Variants in SHMT1 observed in about 807,000 individuals in gnomAD.
SHMT1 encodes serine hydroxymethyltransferase, cytosolic.
A neutral mutation model predicts 49.0 loss-of-function variants in SHMT1; 45 were observed. The ratio of observed to expected loss-of-function variants is 0.92; its 90% CI spans 0.72 to 1.18. SHMT1 has a LOEUF of 1.18. Ranked by LOEUF, SHMT1 falls within the 50% of genes most tolerant of loss-of-function variation. The probability of loss-of-function intolerance (pLI) is 0.00; values close to 1 mark genes in which losing one functional copy is unlikely to be tolerated. For synonymous variants in SHMT1, 232 were observed against 246.6 expected, an observed-to-expected ratio of 0.94 and a Z score of 0.55; for missense variants, 541 against 612.4, an observed-to-expected ratio of 0.88 and a Z score of 1.23.
At position 18,333,153 on chromosome 17, in the gene SHMT1, T is replaced by C. The variant is rs1983409600; in HGVS notation, c.1054+13A>G. ...ACAAGAACAGGCCTGCTGAACACCATCTGTGTCTCTACCTGTGACTATTTT... is the reference window on the plus strand; with the variant it reads ...ACAAGAACAGGCCTGCTGAACACCACCTGTGTCTCTACCTGTGACTATTTT... On this transcript the variant is annotated intron_variant, in intron 9 of 11. Coordinates refer to ENST00000316694, the MANE Select transcript of SHMT1 (RefSeq NM_004169.5). 6.2e-7 allele frequency: 1 copy of C among 1,613,898 alleles called. No individual in the cohort carries two copies. Among genetic ancestry groups the C allele is most frequent in the Non-Finnish European group, 8.5e-7 (1 of 1,179,862 alleles).
intron 8 of SHMT1, 25 bp downstream of exon 8, chr17:18,335,534 T>G: frequency 4.7e-6 from 7 of 1,497,128 alleles, no homozygotes; most frequent in Non-Finnish European, 6.5e-6. Flanking sequence ...GGCTACAGGA[T>G]GAGCAGAGGC....
chr17:18,334,718 C>T (rs1174042810), intron 8 of SHMT1, among the ~76,000 whole-genome samples: 1 of 152,164 alleles, frequency 6.6e-6, no homozygotes, highest in Non-Finnish European at 1.5e-5. Flanking sequence ...GGGCCTGCAT[C>T]CCGCACAGAG....
chr17:18,340,806 G>A lies in SHMT1; in HGVS notation c.527C>T (p.Pro176Leu). ...GTCATAGTTGATGTAGCCAGTATCT[G>A]GGTTCACCTGTGGAATGTCAGGGAG... is the stretch of plus-strand genomic sequence containing the variant. ...FFESMPYKVN[P>L]DTGYINYDQL... Residue 176 changes from proline to leucine, a missense_variant, in exon 6 of 12, where the codon CCA becomes CTA. Coordinates refer to ENST00000316694, the MANE Select transcript of SHMT1 (RefSeq NM_004169.5). This position sits in a 1 kb window ranked among gnomAD's most constrained non-coding sequence, Gnocchi z 4.5. 6.2e-7 allele frequency: 1 copy of A among 1,613,044 alleles called. No homozygotes were observed.
At chr17:18,330,043 C>T (rs956949081) in intron 10 of SHMT1, among the ~76,000 whole-genome samples, 1 of 151,818 alleles carries the variant, frequency 6.6e-6, no homozygotes, top group African/African-American at 2.4e-5. Flanking sequence ...GACAGGGTTT[C>T]ACCGCGTTAG....
At chr17:18,332,574 A>T (rs1046752726) in intron 9 of SHMT1, 6 of 178,944 alleles carry the variant, frequency 3.4e-5, no homozygotes, top group Admixed American at 2.2e-4. Context: ...CTGCCAAAAA[A>T]ATGCGTTCTC....
At position 18,335,634 on chromosome 17, in the gene SHMT1, A is replaced by C. The variant is rs777750289; in HGVS notation, c.856T>G (p.Tyr286Asp). ...VDPKTGKEIL[Y>D]NLESLINSAV... ...GAATTGATAAGAGACTCCAGGTTGTACAGAATCTCTTTGCCAGTCTTGGGA... is the reference window on the plus strand; with the variant it reads ...GAATTGATAAGAGACTCCAGGTTGTCCAGAATCTCTTTGCCAGTCTTGGGA... Residue 286 changes from tyrosine to aspartate, a missense_variant, in exon 8 of 12, where the codon TAC becomes GAC. Coordinates refer to ENST00000316694, the MANE Select transcript of SHMT1 (RefSeq NM_004169.5). The C allele has an allele frequency of 6.2e-7, 1 of 1,613,986 alleles. No individual in the cohort carries two copies. The highest frequency in any genetic ancestry group is 2.2e-5 in the East Asian group (1 of 44,876).
intron 11 of SHMT1, 32 bp from the exon 12 acceptor site, chr17:18,328,951 C>G (rs761350220): frequency 8.1e-6 from 13 of 1,612,798 alleles, no homozygotes; most frequent in Non-Finnish European, 1.1e-5. Flanking sequence ...AGTCACCCCA[C>G]ACTACACACC....
intron 5 of SHMT1, among the ~76,000 whole-genome samples, chr17:18,345,225 G>A (rs1165389025): frequency 6.6e-6 from 1 of 152,182 alleles, no homozygotes; most frequent in Non-Finnish European, 1.5e-5. Flanking sequence ...AAAGACGGGG[G>A]TGGCTGGAGG....
chr17:18,340,333 T>G lies in SHMT1; in HGVS notation c.602-78A>C. ...AGTTGGCTTCACAGTGGCCTCTAGATGTGCAGATCTGAAAGCCCAGAGATT... is the reference window on the plus strand; with the variant it reads ...AGTTGGCTTCACAGTGGCCTCTAGAGGTGCAGATCTGAAAGCCCAGAGATT... On this transcript the variant is annotated intron_variant, in intron 6 of 11. Coordinates refer to ENST00000316694, the MANE Select transcript of SHMT1 (RefSeq NM_004169.5). The surrounding 1 kb of genome is among the most constrained non-coding windows in gnomAD (Gnocchi z 4.5). 1 of 1,404,446 alleles carries G rather than the reference T, an allele frequency of 7.1e-7. No homozygotes were observed. The highest frequency in any genetic ancestry group is 1.0e-6 in the Non-Finnish European group (1 of 997,924). 87.0% of individuals were successfully genotyped at this position (1,404,446 alleles called of 1,614,324 possible). A position where few individuals can be genotyped will look rare whatever the true frequency, so the allele number is the denominator to read the frequency against.
At chr17:18,338,130 C>T (rs979125250) in intron 7 of SHMT1, among the ~76,000 whole-genome samples, 189 of 116,970 alleles carry the variant, frequency 1.6e-3, no homozygotes, top group African/African-American at 6.4e-3. Flanking sequence ...AAGTGAGGAG[C>T]GTCTCTGCCC....
intron 10 of SHMT1, 43 bp from the exon 11 acceptor site, chr17:18,329,431 CACT>C (rs763205884): frequency 6.8e-7 from 1 of 1,462,024 alleles, no homozygotes; most frequent in East Asian, 2.3e-5. Flanking sequence ...ACATTGTCAC[CACT>C]GTGATGGTGG....
intron 3 of SHMT1, among the ~76,000 whole-genome samples, chr17:18,350,043 A>C (rs1351252312): frequency 6.7e-6 from 1 of 149,732 alleles, no homozygotes; most frequent in Admixed American, 6.7e-5. Flanking sequence ...ATAGATAAAA[A>C]ATAGGCCGGG....
At position 18,335,685 on chromosome 17, in the gene SHMT1, G is replaced by GA; in HGVS notation, c.815-11dup. On this transcript the variant is annotated splice_polypyrimidine_tract_variant and intron_variant, in intron 7 of 11. Transcript: ENST00000316694. ...TCCACACTTTTCACTCCTGGAGGAA[G>GA]AAAAACATCACAGTGGGATCATAGG... 1 of 1,580,698 alleles carries GA rather than the reference G, an allele frequency of 6.3e-7. No homozygotes were observed. Among genetic ancestry groups the GA allele is most frequent in the South Asian group, 1.1e-5 (1 of 90,378 alleles).
chr17:18,329,063 C>CT lies in SHMT1; in HGVS notation c.1283-145dup, dbSNP rs1982881167. 13 of 1,092,912 alleles carry CT rather than the reference C, an allele frequency of 1.2e-5. No homozygotes were observed. The East Asian group carries it at 3.3e-4, about 27-fold the overall frequency. The allele number at this position is 1,092,912 out of a possible 1,614,324, so 67.7% of individuals were successfully genotyped here. A position where few individuals can be genotyped will look rare whatever the true frequency, so the allele number is the denominator to read the frequency against. On this transcript the variant is annotated intron_variant, in intron 11 of 11. Coordinates refer to ENST00000316694, the MANE Select transcript of SHMT1 (RefSeq NM_004169.5). ...GGTCTCCATGCTTACCTCAATTACT[C>CT]TGAGATGCACCCACCCTTGGACAGA...
At chr17:18,358,308 G>A (rs1262927455) in intron 1 of SHMT1, among the ~76,000 whole-genome samples, 9 of 151,164 alleles carry the variant, frequency 6.0e-5, no homozygotes, top group African/African-American at 2.2e-4. Flanking sequence ...TGGCCTACAC[G>A]GTGAAACCCC....
chr17:18,353,189 CTG>C (rs3039790), intron 3 of SHMT1, among the ~76,000 whole-genome samples: 33,274 of 152,134 alleles, frequency 0.22, 3,804 homozygotes, highest in East Asian at 0.3. Flanking sequence ...GAATATAACA[CTG>C]TAATTCTGAG....
chr17:18,348,258 G>T, intron 4 of SHMT1, 67 bp downstream of exon 4: 3 of 1,026,746 alleles, frequency 2.9e-6, no homozygotes, highest in Non-Finnish European at 4.6e-6. Flanking sequence ...GACTCTTCTT[G>T]GTGCATGTCG....
At position 18,328,577 on chromosome 17, in the gene SHMT1, A is replaced by T; in HGVS notation, c.*173T>A. 2 of 676,966 alleles carry T rather than the reference A, an allele frequency of 3.0e-6. No homozygotes were observed. The highest frequency in any genetic ancestry group is 4.9e-6 in the Non-Finnish European group (2 of 406,020). 41.9% of individuals were successfully genotyped at this position (676,966 alleles called of 1,614,324 possible). The stretch of plus-strand genomic sequence containing the variant: ...CCCAGAATTACTAACAATGAGACTT[A>T]AACAAATTTTGATTTGTGAAGAAAA... On this transcript the variant is annotated 3_prime_UTR_variant, in exon 12 of 12. Transcript: ENST00000316694.
At chr17:18,351,006 T>C (rs1430908906) in intron 3 of SHMT1, among the ~76,000 whole-genome samples, 2 of 152,184 alleles carry the variant, frequency 1.3e-5, no homozygotes, top group Non-Finnish European at 2.9e-5. Flanking sequence ...GTGCTGGGAT[T>C]ACAGGTGTGA....
Sources: allele counts gnomAD v4.1 joint callset (sites outside exome capture counted in the v4.1 genomes callset), GRCh38; gene constraint gnomAD v4.1.1; non-coding constraint Gnocchi (gnomAD v3.1); transcripts MANE v1.5; gene names NCBI Gene and HGNC (gene_info 2026-07-23, HGNC 2026-07-21).